The following ANKS1B variants were observed in gnomAD, a reference collection of about 807,000 sequenced individuals.
ANKS1B encodes ankyrin repeat and sterile alpha motif domain-containing protein 1B.
ANKS1B carries 36 observed loss-of-function variants against 148.3 expected under a neutral mutation model. The observed-to-expected ratio is 0.24, with a 90% CI of 0.19 to 0.32. The LOEUF (loss-of-function observed/expected upper bound fraction) is 0.32, where lower values mean the gene tolerates loss of function less well. ANKS1B is among the 10% of genes least tolerant of loss of function. The probability of loss-of-function intolerance (pLI) is 1.00; values close to 1 mark genes in which losing one functional copy is unlikely to be tolerated. For missense variants in ANKS1B, 1,157 were observed against 1,542.6 expected (o/e 0.75, Z 4.19); for synonymous variants, 542 against 560.8 (o/e 0.97, Z 0.47).
chr12:99,546,966 T>A (rs1283163678), intron 9 of ANKS1B, among the ~76,000 whole-genome samples: 1 of 151,860 alleles, frequency 6.6e-6, no homozygotes, highest in Non-Finnish European at 1.5e-5. Flanking sequence ...AGGGGGAGGA[T>A]GAATAAACAA....
chr12:99,296,456 A>G (rs1338524174), intron 12 of ANKS1B, among the ~76,000 whole-genome samples: 2 of 152,144 alleles, frequency 1.3e-5, no homozygotes, highest in Non-Finnish European at 2.9e-5. Flanking sequence ...TGGTTCATTT[A>G]TCTTCTTTTC....
intron 17 of ANKS1B, among the ~76,000 whole-genome samples, chr12:98,845,453 G>A (rs1294864178): frequency 6.6e-6 from 1 of 152,132 alleles, no homozygotes; most frequent in Non-Finnish European, 1.5e-5. Flanking sequence ...TTCTCCCAGA[G>A]ACTCATTAAA....
chr12:99,324,138 C>G (rs143069297), intron 12 of ANKS1B, among the ~76,000 whole-genome samples: 2 of 152,056 alleles, frequency 1.3e-5, no homozygotes, highest in African/African-American at 4.8e-5. Context: ...TTTGTGTGTA[C>G]ATTAATTACA....
At chr12:99,168,012 A>G (rs2153834736) in intron 14 of ANKS1B, among the ~76,000 whole-genome samples, 1 of 152,344 alleles carries the variant, frequency 6.6e-6, no homozygotes, top group East Asian at 1.9e-4. Flanking sequence ...AAATATAGTG[A>G]CAGAAAACAG....
intron 17 of ANKS1B, among the ~76,000 whole-genome samples, chr12:98,852,772 GCCT>G (rs2099537797): frequency 6.6e-6 from 1 of 151,864 alleles, no homozygotes; most frequent in Admixed American, 6.6e-5. Flanking sequence ...CCATCAAATT[GCCT>G]CCTCCATTAA....
intron 1 of ANKS1B, among the ~76,000 whole-genome samples, chr12:99,918,377 G>A (rs1401357316): frequency 6.6e-6 from 1 of 152,172 alleles, no homozygotes; most frequent in East Asian, 1.9e-4. Context: ...ACCCCTATGA[G>A]TGGAACACTT....
chr12:98,894,667 AG>A (rs2099760115), intron 17 of ANKS1B: 2 of 985,470 alleles, frequency 2.0e-6, no homozygotes, highest in African/African-American at 3.5e-5. Flanking sequence ...GGGATCCGCG[AG>A]GGCTGGCGGG....
intron 8 of ANKS1B, among the ~76,000 whole-genome samples, chr12:99,719,193 A>G (rs2057795314): frequency 1.3e-5 from 2 of 152,198 alleles, no homozygotes; most frequent in South Asian, 4.1e-4. Context: ...TAAAATCACA[A>G]ACTATGCTCA....
intron 12 of ANKS1B, among the ~76,000 whole-genome samples, chr12:99,309,302 C>T (rs1191854084): frequency 1.3e-5 from 2 of 151,800 alleles, no homozygotes; most frequent in Non-Finnish European, 2.9e-5. Flanking sequence ...GTTTATTTTT[C>T]AATTTTATGA....
chr12:99,449,061 A>G (rs1345285283), intron 10 of ANKS1B, among the ~76,000 whole-genome samples: 1 of 151,848 alleles, frequency 6.6e-6, no homozygotes, highest in Non-Finnish European at 1.5e-5. Flanking sequence ...CTATCAAACC[A>G]TTTTCTTAAT....
chr12:98,798,236 C>T (rs1333532737), intron 22 of ANKS1B, among the ~76,000 whole-genome samples: 1 of 151,844 alleles, frequency 6.6e-6, no homozygotes, highest in African/African-American at 2.4e-5. Flanking sequence ...ATTCTCCTGC[C>T]TCAGCCTCCC....
intron 8 of ANKS1B, among the ~76,000 whole-genome samples, chr12:99,715,924 TCA>T (rs2057260033): frequency 6.6e-6 from 1 of 152,176 alleles, no homozygotes; most frequent in Non-Finnish European, 1.5e-5. Flanking sequence ...CAGGCATCAG[TCA>T]CAGACTTGGG....
chr12:99,677,519 C>A (rs2098584562), intron 8 of ANKS1B, among the ~76,000 whole-genome samples: 1 of 152,128 alleles, frequency 6.6e-6, no homozygotes, highest in Non-Finnish European at 1.5e-5. Flanking sequence ...TAATTAGATT[C>A]TCTTTTAAAA....
intron 12 of ANKS1B, among the ~76,000 whole-genome samples, chr12:99,337,001 C>T (rs1158485251): frequency 6.6e-6 from 1 of 152,108 alleles, no homozygotes; most frequent in Non-Finnish European, 1.5e-5. Flanking sequence ...TGAATTGAAT[C>T]TGCTTGGTAT....
intron 10 of ANKS1B, among the ~76,000 whole-genome samples, chr12:99,501,257 T>C (rs2096652783): frequency 1.3e-5 from 2 of 149,048 alleles, no homozygotes; most frequent in African/African-American, 4.9e-5. Context: ...CTTCCTTGTT[T>C]TTGTTGGTTC....
intron 14 of ANKS1B, among the ~76,000 whole-genome samples, chr12:99,205,905 G>A (rs2082614934): frequency 6.6e-6 from 1 of 152,164 alleles, no homozygotes; most frequent in African/African-American, 2.4e-5. Context: ...GCACTTAGTT[G>A]AGGCATGCCT....
At chr12:98,759,959 G>T (rs2098364548) in intron 25 of ANKS1B, among the ~76,000 whole-genome samples, 2 of 151,992 alleles carry the variant, frequency 1.3e-5, no homozygotes, top group South Asian at 4.2e-4. Context: ...CAGCCTGGGT[G>T]ACAGAGTGAG....
rs142304669 is a variant in ANKS1B at position 99,642,747 on chromosome 12, G to T, written c.1272+12320C>A. Reference sequence around the variant, plus strand: ...CAGGAGAACTGCTTGAACCCAGGAGGCAGAGGTTGCAGTGAGCCAGGATGG... The same window carrying T: ...CAGGAGAACTGCTTGAACCCAGGAGTCAGAGGTTGCAGTGAGCCAGGATGG... On this transcript the variant is annotated intron_variant, in intron 9 of 26. Coordinates refer to ENST00000683438, the MANE Select transcript of ANKS1B (RefSeq NM_001352186.2). Among the ~76,000 whole-genome samples the T allele has an allele frequency of 1.6e-3, 239 of 152,262 alleles. 1 individual carries two copies. Among genetic ancestry groups the T allele is most frequent in the African/African-American group, 5.5e-3 (228 of 41,542 alleles).
chr12:99,262,543 A>G (rs1324049188), intron 12 of ANKS1B, among the ~76,000 whole-genome samples: 1 of 152,068 alleles, frequency 6.6e-6, no homozygotes, highest in Admixed American at 6.6e-5. Flanking sequence ...GTAAAAGTAA[A>G]GAGAGAAGAA....
Sources: allele counts gnomAD v4.1 joint callset (sites outside exome capture counted in the v4.1 genomes callset), GRCh38; gene constraint gnomAD v4.1.1; transcripts MANE v1.5; gene names NCBI Gene and HGNC (gene_info 2026-07-23, HGNC 2026-07-21).